Variants in CLVS1 observed in about 807,000 individuals in gnomAD.
The protein encoded by CLVS1 is clavesin-1.
CLVS1 carries 10 observed loss-of-function variants against 33.1 expected under a neutral mutation model. The observed-to-expected ratio is 0.30, with a 90% CI of 0.19 to 0.51. The LOEUF (loss-of-function observed/expected upper bound fraction) is 0.51. CLVS1 is among the 20% of genes least tolerant of loss of function. The pLI, the probability that CLVS1 is intolerant of heterozygous loss-of-function variation, is 0.97. For synonymous variants in CLVS1, 163 were observed against 166.1 expected (o/e 0.98, Z 0.14); for missense variants, 343 against 433.4 (o/e 0.79, Z 1.85).
chr8:61,338,891 A>G (rs1189913871), intron 2 of CLVS1, among the ~76,000 whole-genome samples: 1 of 152,088 alleles, frequency 6.6e-6, no homozygotes, highest in Non-Finnish European at 1.5e-5. Context: ...CCCAGTGGCA[A>G]CGCATGGACT....
chr8:61,191,862 C>T (rs1197353457), intron 2 of CLVS1, among the ~76,000 whole-genome samples: 6 of 152,074 alleles, frequency 3.9e-5, no homozygotes, highest in Admixed American at 6.6e-5. Context: ...AACCACTGCT[C>T]CACAAAATAA....
the CLVS1 span, among the ~76,000 whole-genome samples, chr8:61,018,528 A>G: frequency 0.17 from 25,751 of 152,222 alleles, 3,563 homozygotes; most frequent in African/African-American, 0.38. Flanking sequence ...AAAAGGGGGC[A>G]AAGTGTTTCA....
chr8:61,196,260 ATAT>A (rs1027939388), intron 2 of CLVS1, among the ~76,000 whole-genome samples: 1 of 152,162 alleles, frequency 6.6e-6, no homozygotes, highest in Non-Finnish European at 1.5e-5. Flanking sequence ...AACAGGTAAA[ATAT>A]TATGCAAAAA....
At chr8:61,360,966 T>G (rs1348215716) in intron 2 of CLVS1, among the ~76,000 whole-genome samples, 1 of 152,210 alleles carries the variant, frequency 6.6e-6, no homozygotes, top group East Asian at 1.9e-4. Flanking sequence ...TGGCTGCTGC[T>G]TCTCCAGAGG....
intron 2 of CLVS1, among the ~76,000 whole-genome samples, chr8:61,263,255 G>A (rs532480886): frequency 2.4e-4 from 37 of 152,192 alleles, no homozygotes; most frequent in Non-Finnish European, 4.3e-4. Flanking sequence ...TTTATATGTT[G>A]CTATTTTTTA....
chr8:61,110,954 G>C (rs1351258360), intron 1 of CLVS1, among the ~76,000 whole-genome samples: 1 of 152,138 alleles, frequency 6.6e-6, no homozygotes, highest in East Asian at 1.9e-4. Flanking sequence ...GGATATTTGG[G>C]TTGTTTCTAC....
At chr8:61,306,310 C>G (rs933409276) in intron 2 of CLVS1, among the ~76,000 whole-genome samples, 7 of 152,068 alleles carry the variant, frequency 4.6e-5, no homozygotes, top group African/African-American at 1.7e-4. Flanking sequence ...TTTTTTCATA[C>G]AATTGTTGGC....
At chr8:60,971,729 A>G in the CLVS1 span, among the ~76,000 whole-genome samples, 1 of 152,074 alleles carries the variant, frequency 6.6e-6, no homozygotes, top group Non-Finnish European at 1.5e-5. Context: ...TATTTCCCAG[A>G]GGAGAATTTG....
intron 2 of CLVS1, among the ~76,000 whole-genome samples, chr8:61,245,291 C>T (rs1474302836): frequency 7.2e-5 from 11 of 151,960 alleles, no homozygotes; most frequent in Non-Finnish European, 1.3e-4. Flanking sequence ...CAAACAATTC[C>T]CCTGCCTCAG....
At chr8:61,203,006 C>T in intron 2 of CLVS1, 2 of 1,360,138 alleles carry the variant, frequency 1.5e-6, no homozygotes, top group Non-Finnish European at 2.1e-6. Context: ...ACACCAAGAT[C>T]AAAAGGACAA....
In CLVS1 at chr8:61,500,382, G is replaced by GAA. The variant is rs1467611340; in HGVS notation, c.*843_*844dup. ...GCCTCAACTGGGTCACTACAGCAAA[G>GAA]AAAAGTGCTATCAAACCATTTACCC... On this transcript the variant is annotated 3_prime_UTR_variant, in exon 6 of 6. Transcript: ENST00000325897. 4 of 152,034 alleles carry GAA rather than the reference G, an allele frequency of 2.6e-5. No individual in the cohort carries two copies. Among genetic ancestry groups the GAA allele is most frequent in the Non-Finnish European group, 5.9e-5 (4 of 67,946 alleles). The allele number at this position is 152,034 out of a possible 1,614,324, so 9.4% of individuals were successfully genotyped here. A position where few individuals can be genotyped will look rare whatever the true frequency, so the allele number is the denominator to read the frequency against.
intron 3 of CLVS1, among the ~76,000 whole-genome samples, chr8:61,398,849 G>A (rs1186804110): frequency 6.6e-6 from 1 of 152,126 alleles, no homozygotes; most frequent in Non-Finnish European, 1.5e-5. Flanking sequence ...ATGGCTTCCA[G>A]CTCCATCCAT....
intron 1 of CLVS1, among the ~76,000 whole-genome samples, chr8:61,067,632 G>T (rs998158328): frequency 1.3e-5 from 2 of 152,106 alleles, no homozygotes; most frequent in African/African-American, 4.8e-5. Flanking sequence ...TGCTTTGGGA[G>T]GCCAAGGTGG....
At chr8:61,061,638 G>T (rs1193674125) in intron 1 of CLVS1, among the ~76,000 whole-genome samples, 1 of 152,014 alleles carries the variant, frequency 6.6e-6, no homozygotes, top group Admixed American at 6.6e-5. Context: ...TGAGCCTCTT[G>T]AATATGCCCT....
intron 2 of CLVS1, among the ~76,000 whole-genome samples, chr8:61,161,324 A>C (rs531301234): frequency 1.0e-3 from 158 of 152,298 alleles, no homozygotes; most frequent in African/African-American, 3.6e-3. Flanking sequence ...GCTATATCCC[A>C]AAAAAATTGA....
At chr8:61,051,504 G>A in the CLVS1 span, among the ~76,000 whole-genome samples, 8 of 152,228 alleles carry the variant, frequency 5.3e-5, no homozygotes, top group Non-Finnish European at 1.2e-4. Context: ...CAGGCCAGGG[G>A]AGGATGCCCT....
the CLVS1 span, among the ~76,000 whole-genome samples, chr8:61,027,570 C>T: frequency 2.6e-5 from 4 of 152,088 alleles, no homozygotes; most frequent in African/African-American, 9.7e-5. Context: ...TTAAAAATAA[C>T]TCTCTTTTGC....
At chr8:60,989,381 T>G in the CLVS1 span, among the ~76,000 whole-genome samples, 1 of 152,136 alleles carries the variant, frequency 6.6e-6, no homozygotes, top group Non-Finnish European at 1.5e-5. Context: ...AGTTTCACCA[T>G]GTTAGTCAGG....
chr8:61,478,088 C>T lies in CLVS1; in HGVS notation c.977+19546C>T, dbSNP rs889922062. Among the ~76,000 whole-genome samples, 10 of 152,208 alleles carry T rather than the reference C, an allele frequency of 6.6e-5. No individual in the cohort carries two copies. The South Asian group carries it at 1.0e-3, about 16-fold the overall frequency. ...TTTCGTTATGTACCCTGCAGTCATTCAGGAGCAGGTTTTTCAGTTTCCATG... is the reference window on the plus strand; with the variant it reads ...TTTCGTTATGTACCCTGCAGTCATTTAGGAGCAGGTTTTTCAGTTTCCATG... On this transcript the variant is annotated intron_variant, in intron 5 of 5. Transcript: ENST00000325897.
Sources: gnomAD v4.1 joint callset for allele counts (sites outside exome capture counted in the v4.1 genomes callset) on GRCh38, gnomAD v4.1.1 for gene constraint, MANE v1.5 for transcripts, NCBI Gene and HGNC (gene_info 2026-07-23, HGNC 2026-07-21) for gene names.